PCDHGB6: variants seen among roughly 807,000 people sequenced by gnomAD.
The protein encoded by PCDHGB6 is protocadherin gamma subfamily B, 6.
A neutral mutation model predicts 59.1 loss-of-function variants in PCDHGB6; 51 were observed. That is an observed-to-expected ratio of 0.86 (90% CI 0.69 to 1.09). The LOEUF (loss-of-function observed/expected upper bound fraction) is 1.09. Among genes scored for constraint, PCDHGB6 ranks in the 50% least tolerant of loss-of-function variants. The probability of loss-of-function intolerance (pLI) is 0.00; values close to 1 mark genes in which losing one functional copy is unlikely to be tolerated. For missense variants in PCDHGB6, 1,148 were observed against 1,205.1 expected (o/e 0.95, Z 0.70); for synonymous variants, 466 against 495.1 (o/e 0.94, Z 0.78).
At chr5:141,417,460 A>G (rs1160577617) in intron 1 of PCDHGB6, 1 of 180,404 alleles carries the variant, frequency 5.5e-6, no homozygotes, top group Non-Finnish European at 1.1e-5. Flanking sequence ...GACCAAGTGG[A>G]AATATATTTC....
chr5:141,410,142 G>A lies in PCDHGB6; in HGVS notation c.1940G>A (p.Arg647His), dbSNP rs2095361095. ...AARQRLLVAV[R>H]DGGQPPLSAT... ...CGCCAGCGCCTGCTGGTCGCTGTGCGTGACGGTGGACAGCCGCCACTCTCT... is the reference window on the plus strand; with the variant it reads ...CGCCAGCGCCTGCTGGTCGCTGTGCATGACGGTGGACAGCCGCCACTCTCT... Residue 647 changes from arginine (R) to histidine (H), a missense_variant, in exon 1 of 4, where the codon CGT (arginine) becomes CAT (histidine). Physicochemically the swap from Arg to His is conservative, Grantham distance 29. This residue lies in a region of PCDHGB6 where 549 missense variants were observed against 527.5 expected (regional missense o/e 1.04). Coordinates refer to ENST00000520790, the MANE Select transcript of PCDHGB6 (RefSeq NM_018926.3). The A allele has an allele frequency of 1.9e-6, 3 of 1,612,612 alleles. No individual in the cohort carries two copies. The highest frequency in any genetic ancestry group is 2.2e-5 in the East Asian group (1 of 44,886).
At chr5:141,500,355 C>G (rs539892249) in intron 2 of PCDHGB6, among the ~76,000 whole-genome samples, 2 of 151,912 alleles carry the variant, frequency 1.3e-5, no homozygotes, top group Non-Finnish European at 2.9e-5. Flanking sequence ...ACTACAGGCG[C>G]CCACTACCAC....
chr5:141,459,028 C>T (rs373532898), intron 1 of PCDHGB6, among the ~76,000 whole-genome samples: 1 of 152,202 alleles, frequency 6.6e-6, no homozygotes, highest in Non-Finnish European at 1.5e-5. Context: ...CCACCACATC[C>T]AGCCTTACCA....
At chr5:141,413,631 G>A in intron 1 of PCDHGB6, 4 of 1,613,750 alleles carry the variant, frequency 2.5e-6, no homozygotes, top group Admixed American at 1.7e-5. Context: ...ATGTCGCTGC[G>A]GGAATGCGTT....
At chr5:141,474,215 A>G (rs1393533136) in intron 1 of PCDHGB6, among the ~76,000 whole-genome samples, 1 of 152,216 alleles carries the variant, frequency 6.6e-6, no homozygotes, top group East Asian at 1.9e-4. Context: ...CAAAAACCAG[A>G]TTGTGAATTA....
In PCDHGB6 at chr5:141,432,611, T is replaced by G. The variant is rs141541670; in HGVS notation, c.2418+21991T>G. The G allele has an allele frequency of 4.2e-4, 676 of 1,613,808 alleles. 1 individual carries two copies. The African/African-American group carries it at 5.6e-3, about 13-fold the overall frequency. On this transcript the variant is annotated intron_variant, in intron 1 of 3. Coordinates refer to ENST00000520790, the MANE Select transcript of PCDHGB6 (RefSeq NM_018926.3). This position sits in a 1 kb window ranked among gnomAD's most constrained non-coding sequence, Gnocchi z 6.0. ...CAAGGCCAGCGAGCCGGGACTCTTC[T>G]CGGTGGGTCTGCACACGGGCGAGGT...
At chr5:141,423,631 T>G (rs1452661307) in intron 1 of PCDHGB6, 2 of 1,603,990 alleles carry the variant, frequency 1.2e-6, no homozygotes, top group African/African-American at 2.7e-5. Flanking sequence ...AGCTATCATT[T>G]TAGGCAAATG....
At chr5:141,445,148 C>T (rs1051995635) in intron 1 of PCDHGB6, among the ~76,000 whole-genome samples, 3 of 152,092 alleles carry the variant, frequency 2.0e-5, no homozygotes, top group Non-Finnish European at 4.4e-5. Context: ...TCTAATTGTT[C>T]ATTTCTAGTT....
At position 141,487,937 on chromosome 5, in the gene PCDHGB6, T is replaced by G; in HGVS notation, c.2419-6870T>G. 2 of 603,606 alleles carry G rather than the reference T, an allele frequency of 3.3e-6. No homozygotes were observed. The highest frequency in any genetic ancestry group is 2.9e-6 in the Non-Finnish European group (1 of 345,124). 37.4% of individuals were successfully genotyped at this position (603,606 alleles called of 1,614,324 possible). ...GGAGGCTACAGTGCACAGGGTACAG[T>G]GCACCAGGCAGTCACTTGGACAAAG... On this transcript the variant is annotated intron_variant, in intron 1 of 3. Transcript: ENST00000520790. The surrounding 1 kb of genome is among the most constrained non-coding windows in gnomAD (Gnocchi z 5.0).
At chr5:141,433,358 CCTATCTATCTATCTATCTAT>C (rs3074541) in intron 1 of PCDHGB6, 19 of 503,934 alleles carry the variant, frequency 3.8e-5, no homozygotes, top group South Asian at 2.3e-4. Flanking sequence ...CTACTGTCTG[CCTATCTATCTATCTATCTAT>C]CTATCTATCT....
intron 1 of PCDHGB6, among the ~76,000 whole-genome samples, chr5:141,444,058 C>A (rs2154560450): frequency 6.8e-6 from 1 of 147,774 alleles, no homozygotes; most frequent in East Asian, 2.0e-4. Context: ...CATCTTCAAT[C>A]TAGATTCTGA....
intron 2 of PCDHGB6, among the ~76,000 whole-genome samples, chr5:141,505,069 G>A (rs2099843308): frequency 2.0e-5 from 3 of 152,340 alleles, no homozygotes; most frequent in East Asian, 1.9e-4. Flanking sequence ...GACTGAGGCA[G>A]GAGAATCGCT....
At chr5:141,460,122 G>A (rs530307574) in intron 1 of PCDHGB6, among the ~76,000 whole-genome samples, 2 of 151,928 alleles carry the variant, frequency 1.3e-5, no homozygotes, top group African/African-American at 4.8e-5. Flanking sequence ...TTTTATATAT[G>A]TAATATATAT....
chr5:141,470,860 T>G (rs2099242265), intron 1 of PCDHGB6, among the ~76,000 whole-genome samples: 1 of 151,788 alleles, frequency 6.6e-6, no homozygotes, highest in South Asian at 2.1e-4. Context: ...GATAAGTTTT[T>G]TGTTTGTTTG....
rs148675327 is a variant in PCDHGB6 at position 141,477,019 on chromosome 5, C to A, written c.2419-17788C>A. On this transcript the variant is annotated intron_variant, in intron 1 of 3. Coordinates refer to ENST00000520790, the MANE Select transcript of PCDHGB6 (RefSeq NM_018926.3). The surrounding 1 kb of genome is among the most constrained non-coding windows in gnomAD (Gnocchi z 4.9). ...AACTATTCGCCTTAGACCTTGTAAC[C>A]GGGATGCTGACAATCAAGGGTCGGC... The A allele has an allele frequency of 1.7e-5, 28 of 1,614,124 alleles. No individual in the cohort carries two copies. The African/African-American group carries it at 2.5e-4, about 15-fold the overall frequency.
At chr5:141,465,826 T>A (rs1402342209) in intron 1 of PCDHGB6, among the ~76,000 whole-genome samples, 1 of 151,994 alleles carries the variant, frequency 6.6e-6, no homozygotes, top group Non-Finnish European at 1.5e-5. Context: ...CACATTTGTT[T>A]AAAATTTCAA....
At position 141,486,927 on chromosome 5, in the gene PCDHGB6, G is replaced by A; in HGVS notation, c.2419-7880G>A. ...CCCCAAGCACTGCCTCCATCAGTTG[G>A]TGCTGGCCACCTAATCACAAAGGTG... On this transcript the variant is annotated intron_variant, in intron 1 of 3. Transcript: ENST00000520790. The surrounding 1 kb of genome is among the most constrained non-coding windows in gnomAD (Gnocchi z 5.0). 4 of 1,614,226 alleles carry A rather than the reference G, an allele frequency of 2.5e-6. No individual in the cohort carries two copies. Among genetic ancestry groups the A allele is most frequent in the Non-Finnish European group, 3.4e-6 (4 of 1,180,046 alleles).
rs1486791355 is a variant in PCDHGB6 at position 141,476,804 on chromosome 5, A to G, written c.2419-18003A>G. Reference sequence around the variant, plus strand: ...CCCAGCTCTCTCCGCCAGCCTGCCTATTCACATCAAGGTGCTGGACGCGAA... The same window carrying G: ...CCCAGCTCTCTCCGCCAGCCTGCCTGTTCACATCAAGGTGCTGGACGCGAA... On this transcript the variant is annotated intron_variant, in intron 1 of 3. Coordinates refer to ENST00000520790, the MANE Select transcript of PCDHGB6 (RefSeq NM_018926.3). The surrounding 1 kb of genome is among the most constrained non-coding windows in gnomAD (Gnocchi z 7.6). 5 of 1,613,476 alleles carry G rather than the reference A, an allele frequency of 3.1e-6. No individual in the cohort carries two copies. Among genetic ancestry groups the G allele is most frequent in the South Asian group, 2.2e-5 (2 of 91,080 alleles).
rs2099884060 is a variant in PCDHGB6 at position 141,512,057 on chromosome 5, A to T, written c.*884A>T. 1 of 152,768 alleles carries T rather than the reference A, an allele frequency of 6.5e-6. No individual in the cohort carries two copies. Among genetic ancestry groups the T allele is most frequent in the South Asian group, 2.1e-4 (1 of 4,832 alleles). 9.5% of individuals were successfully genotyped at this position (152,768 alleles called of 1,614,324 possible). ...GGCTCTGTATGTCCTCAGGGGACTG[A>T]CAACATCCTCCAGATTCCAGCCATA... is the stretch of plus-strand genomic sequence containing the variant. On this transcript the variant is annotated 3_prime_UTR_variant, in exon 4 of 4. Coordinates refer to ENST00000520790, the MANE Select transcript of PCDHGB6 (RefSeq NM_018926.3).
Sources: gnomAD v4.1 joint callset for allele counts (sites outside exome capture counted in the v4.1 genomes callset) on GRCh38, gnomAD v4.1.1 for gene constraint, gnomAD v4.1.1 regional missense constraint, Gnocchi (gnomAD v3.1) non-coding constraint, MANE v1.5 for transcripts, NCBI Gene and HGNC (gene_info 2026-07-23, HGNC 2026-07-21) for gene names.